The following TRHDE variants were observed in gnomAD, a reference collection of about 807,000 sequenced individuals.
TRHDE encodes the protein thyrotropin releasing hormone degrading enzyme, also known as thyrotropin-releasing hormone-degrading ectoenzyme.
Under a neutral mutation model 125.7 loss-of-function variants are expected in TRHDE, and 72 were observed. That is an observed-to-expected ratio of 0.57 (90% confidence interval 0.47 to 0.70). The LOEUF is 0.70. Ranked by LOEUF, TRHDE falls within the 30% of genes least tolerant of loss-of-function variation. The pLI, the probability that TRHDE is intolerant of heterozygous loss-of-function variation, is 0.00. For missense variants in TRHDE, 1,110 were observed against 1,327.1 expected, an observed-to-expected ratio of 0.84 and a Z score of 2.54; for synonymous variants, 509 against 509.1, an observed-to-expected ratio of 1.00 and a Z score of 0.00.
At chr12:72,660,006 C>A (rs889353402) in intron 18 of TRHDE, among the ~76,000 whole-genome samples, 3 of 151,408 alleles carry the variant, frequency 2.0e-5, no homozygotes, top group African/African-American at 7.3e-5. Flanking sequence ...AATGGCTGGG[C>A]GTGCTGATGT....
intron 12 of TRHDE, among the ~76,000 whole-genome samples, chr12:72,598,164 T>C (rs999527248): frequency 1.3e-5 from 2 of 152,180 alleles, no homozygotes; most frequent in Non-Finnish European, 2.9e-5. Context: ...TCAGTGATCC[T>C]ATCTATGAAT....
chr12:72,145,423 G>T (rs1876205641), intron 2 of TRHDE, among the ~76,000 whole-genome samples: 1 of 152,038 alleles, frequency 6.6e-6, no homozygotes. Context: ...CTTTGTTTTG[G>T]AAGTTTTAAT....
chr12:72,500,016 G>A (rs1350139151), intron 6 of TRHDE, among the ~76,000 whole-genome samples: 1 of 152,006 alleles, frequency 6.6e-6, no homozygotes, highest in Non-Finnish European at 1.5e-5. Flanking sequence ...TTATTTTGAT[G>A]GGCTGATGCA....
intron 2 of TRHDE, among the ~76,000 whole-genome samples, chr12:72,188,777 A>AG (rs980071309): frequency 6.6e-6 from 1 of 152,232 alleles, no homozygotes; most frequent in Non-Finnish European, 1.5e-5. Flanking sequence ...GAAAAGACTT[A>AG]GGGAAGGGGA....
intron 3 of TRHDE, among the ~76,000 whole-genome samples, chr12:72,386,782 C>G (rs1449763705): frequency 6.6e-6 from 1 of 152,168 alleles, no homozygotes; most frequent in African/African-American, 2.4e-5. Context: ...CCATTCTCAG[C>G]CTTTATCTTG....
intron 12 of TRHDE, among the ~76,000 whole-genome samples, chr12:72,581,117 G>T (rs1462273809): frequency 3.3e-5 from 5 of 152,176 alleles, no homozygotes; most frequent in Admixed American, 6.5e-5. Flanking sequence ...AATGCCTCAT[G>T]GCACAATTTG....
chr12:72,582,539 T>C, intron 12 of TRHDE: 1 of 985,412 alleles, frequency 1.0e-6, no homozygotes, highest in Non-Finnish European at 1.2e-6. Context: ...ATGTTGATCA[T>C]TTTTTCACTT....
At chr12:72,182,690 C>T (rs532830525) in intron 2 of TRHDE, among the ~76,000 whole-genome samples, 1 of 152,044 alleles carries the variant, frequency 6.6e-6, no homozygotes, top group Non-Finnish European at 1.5e-5. Flanking sequence ...AAGGGCAGGC[C>T]CCAAAAGAAA....
intron 2 of TRHDE, among the ~76,000 whole-genome samples, chr12:72,208,614 C>T (rs35077498): frequency 4.6e-5 from 7 of 152,048 alleles, no homozygotes; most frequent in Non-Finnish European, 8.8e-5. Context: ...TCCTCTGCAT[C>T]TATTTTTTTC....
At chr12:72,396,698 T>G (rs760029391) in intron 3 of TRHDE, among the ~76,000 whole-genome samples, 1 of 152,070 alleles carries the variant, frequency 6.6e-6, no homozygotes, top group African/African-American at 2.4e-5. Context: ...GAGCCGAGAT[T>G]GCGCTGCTAC....
chr12:72,471,061 G>A (rs1243888488), intron 4 of TRHDE, among the ~76,000 whole-genome samples: 1 of 151,710 alleles, frequency 6.6e-6, no homozygotes, highest in Non-Finnish European at 1.5e-5. Context: ...ATTTTTAGTA[G>A]AGACGGGGTT....
rs543293220 is a variant in TRHDE at position 72,316,472 on chromosome 12, A to G, written c.1188+29518A>G. 5.0e-4 allele frequency among the ~76,000 whole-genome samples: 76 copies of G among 152,250 alleles called. 1 individual carries two copies. The highest frequency in any genetic ancestry group is 1.7e-3 in the African/African-American group (69 of 41,540). On this transcript the variant is annotated intron_variant, in intron 2 of 18. Transcript: ENST00000261180. ...TTTTACAAGACGAAAACACCCGGAT[A>G]ACCACCACCCAGATCAGGAAATGGA...
chr12:72,413,727 A>T (rs1034315786), intron 3 of TRHDE, among the ~76,000 whole-genome samples: 5 of 152,062 alleles, frequency 3.3e-5, no homozygotes, highest in African/African-American at 1.2e-4. Flanking sequence ...GTTTCTGGAT[A>T]TAAGAAAAGT....
At chr12:72,219,181 C>T (rs1877954891) in intron 2 of TRHDE, among the ~76,000 whole-genome samples, 1 of 150,118 alleles carries the variant, frequency 6.7e-6, no homozygotes, top group South Asian at 2.1e-4. Context: ...TTTCTTGGCA[C>T]ATTTTGGAAA....
chr12:72,383,268 A>T (rs1872264324), intron 3 of TRHDE, among the ~76,000 whole-genome samples: 1 of 151,738 alleles, frequency 6.6e-6, no homozygotes, highest in African/African-American at 2.4e-5. Context: ...AAGAATTGTT[A>T]TCTTTTTTTA....
At chr12:72,205,411 G>A (rs900858978) in intron 2 of TRHDE, among the ~76,000 whole-genome samples, 2 of 150,224 alleles carry the variant, frequency 1.3e-5, no homozygotes, top group African/African-American at 2.5e-5. Flanking sequence ...GTTTTTAAGT[G>A]TATAATATTG....
intron 2 of TRHDE, among the ~76,000 whole-genome samples, chr12:72,159,060 T>C (rs1347384353): frequency 1.3e-5 from 2 of 152,228 alleles, no homozygotes; most frequent in Non-Finnish European, 2.9e-5. Context: ...GATCTGTCAG[T>C]CTACAATATG....
At chr12:72,648,100 A>G (rs1413339121) in intron 15 of TRHDE, among the ~76,000 whole-genome samples, 1 of 152,108 alleles carries the variant, frequency 6.6e-6, no homozygotes, top group Non-Finnish European at 1.5e-5. Context: ...TCCACATACA[A>G]AAATCAATTA....
chr12:72,650,750 C>T (rs1227909939), intron 15 of TRHDE, among the ~76,000 whole-genome samples: 2 of 151,966 alleles, frequency 1.3e-5, no homozygotes, highest in Non-Finnish European at 2.9e-5. Flanking sequence ...CAATAATGCA[C>T]TGTTGTGCTC....
Sources: gnomAD v4.1 joint callset for allele counts (sites outside exome capture counted in the v4.1 genomes callset) on GRCh38, gnomAD v4.1.1 for gene constraint, MANE v1.5 for transcripts, NCBI Gene and HGNC (gene_info 2026-07-23, HGNC 2026-07-21) for gene names.